The following SECTM1 variants were observed in gnomAD, a reference collection of about 807,000 sequenced individuals.
The protein encoded by SECTM1 is secreted and transmembrane protein 1.
Under a neutral mutation model 18.1 loss-of-function variants are expected in SECTM1, and 10 were observed. The observed-to-expected ratio is 0.55, with a 90% CI of 0.34 to 0.94. The LOEUF is 0.94. Among genes scored for constraint, SECTM1 ranks in the 40% least tolerant of loss-of-function variants. The pLI is 0.02. For synonymous variants in SECTM1, 137 were observed against 139.2 expected, an observed-to-expected ratio of 0.98 and a Z score of 0.11; for missense variants, 297 against 322.6, an observed-to-expected ratio of 0.92 and a Z score of 0.61.
chr17:82,323,778 G>A (rs1326128275), intron 3 of SECTM1, among the ~76,000 whole-genome samples: 1 of 151,730 alleles, frequency 6.6e-6, no homozygotes, highest in Non-Finnish European at 1.5e-5. Flanking sequence ...CAGTGGGCTG[G>A]GCTAGTGGGG....
chr17:82,327,664 A>G (rs1432038249), intron 1 of SECTM1, among the ~76,000 whole-genome samples: 1 of 151,980 alleles, frequency 6.6e-6, no homozygotes, highest in Non-Finnish European at 1.5e-5. Flanking sequence ...CTGACCTAAC[A>G]CTATACTAAG....
Position 82,330,821 on chromosome 17 carries a change from G to A in SECTM1, c.-53+2879C>T, listed in dbSNP as rs1032998330. On this transcript the variant is annotated intron_variant, in intron 1 of 4. Coordinates refer to ENST00000269389, the MANE Select transcript of SECTM1 (RefSeq NM_003004.3). This position sits in a 1 kb window ranked among gnomAD's most constrained non-coding sequence, Gnocchi z 6.1. ...CCTGGGCTGCAGTGGTTGGGGAGAG[G>A]GGGGTGGGAGTGAGAAGCTGGCACT... is the stretch of plus-strand genomic sequence containing the variant. 6.6e-6 allele frequency among the ~76,000 whole-genome samples: 1 copy of A among 152,050 alleles called. No homozygotes were observed. Among genetic ancestry groups the A allele is most frequent in the Non-Finnish European group, 1.5e-5 (1 of 68,010 alleles).
Position 82,322,050 on chromosome 17 carries a change from C to A in SECTM1, c.*111G>T. On this transcript the variant is annotated 3_prime_UTR_variant, in exon 5 of 5. Transcript: ENST00000269389. ...GTGGGTGACACAGAGGCCCAGCCTGCCAAGCAAGCCGGTGTCTGTGCCCTC... is the reference window on the plus strand; with the variant it reads ...GTGGGTGACACAGAGGCCCAGCCTGACAAGCAAGCCGGTGTCTGTGCCCTC... The A allele has an allele frequency of 9.5e-7, 1 of 1,053,060 alleles. No individual in the cohort carries two copies. The highest frequency in any genetic ancestry group is 1.4e-6 in the Non-Finnish European group (1 of 704,058). 65.2% of individuals were successfully genotyped at this position (1,053,060 alleles called of 1,614,324 possible).
Position 82,321,755 on chromosome 17 carries a change from A to G in SECTM1, c.*406T>C. ...TGGCCAAGGCCCCCCACAGCCCTGAACTGGAGTGTGTCTGAGGCTCCGGCA... is the reference window on the plus strand; with the variant it reads ...TGGCCAAGGCCCCCCACAGCCCTGAGCTGGAGTGTGTCTGAGGCTCCGGCA... On this transcript the variant is annotated 3_prime_UTR_variant, in exon 5 of 5. Coordinates refer to ENST00000269389, the MANE Select transcript of SECTM1 (RefSeq NM_003004.3). 4.8e-6 allele frequency: 1 copy of G among 209,826 alleles called. No homozygotes were observed. Among genetic ancestry groups the G allele is most frequent in the South Asian group, 5.6e-5 (1 of 17,740 alleles). The allele number at this position is 209,826 out of a possible 1,614,324, so 13.0% of individuals were successfully genotyped here. A position where few individuals can be genotyped will look rare whatever the true frequency, so the allele number is the denominator to read the frequency against.
intron 4 of SECTM1, among the ~76,000 whole-genome samples, 173 bp from the exon 5 acceptor site, chr17:82,322,543 C>A (rs1599652017): frequency 6.6e-6 from 1 of 152,302 alleles, no homozygotes; most frequent in South Asian, 2.1e-4. Context: ...GAACCCACTC[C>A]CCAAGGCACC....
chr17:82,332,884 C>T (rs1333708501), intron 1 of SECTM1, among the ~76,000 whole-genome samples: 2 of 152,226 alleles, frequency 1.3e-5, no homozygotes, highest in Non-Finnish European at 2.9e-5. Context: ...CCTACGCGGG[C>T]TCCTGCAGCC....
Position 82,326,067 on chromosome 17 carries a change from T to C in SECTM1, c.94+1080A>G, listed in dbSNP as rs1469879500. On this transcript the variant is annotated intron_variant, in intron 2 of 4. Coordinates refer to ENST00000269389, the MANE Select transcript of SECTM1 (RefSeq NM_003004.3). The surrounding 1 kb of genome is among the most constrained non-coding windows in gnomAD (Gnocchi z 4.3). ...GAGTGTTCAGGGACTGCAGGGCCTC[T>C]AAGGCCACTGCACAAATTCACACCG... Among the ~76,000 whole-genome samples the C allele has an allele frequency of 6.6e-6, 1 of 152,152 alleles. No homozygotes were observed. Among genetic ancestry groups the C allele is most frequent in the Admixed American group, 6.5e-5 (1 of 15,272 alleles).
rs965466760 is a variant in SECTM1, at chr17:82,325,616, T to G, written c.95-726A>C. On this transcript the variant is annotated intron_variant, in intron 2 of 4. Coordinates refer to ENST00000269389, the MANE Select transcript of SECTM1 (RefSeq NM_003004.3). This position sits in a 1 kb window ranked among gnomAD's most constrained non-coding sequence, Gnocchi z 7.6. ...GGCGTGTCAGTCTCTCTCTCCCGCC[T>G]CCTGGGTGAACCCTGCCCCATAGCG... is the stretch of plus-strand genomic sequence containing the variant. 6.6e-6 allele frequency among the ~76,000 whole-genome samples: 1 copy of G among 152,210 alleles called. No homozygotes were observed. The highest frequency in any genetic ancestry group is 2.4e-5 in the African/African-American group (1 of 41,462).
chr17:82,323,485 G>T (rs1437544859), intron 3 of SECTM1, among the ~76,000 whole-genome samples: 3 of 150,970 alleles, frequency 2.0e-5, no homozygotes, highest in Non-Finnish European at 3.0e-5. Flanking sequence ...TCGGAACCGG[G>T]TGTGGTGAAG....
chr17:82,325,351 A>G lies in SECTM1; in HGVS notation c.95-461T>C, dbSNP rs888225408. Among the ~76,000 whole-genome samples the G allele has an allele frequency of 6.6e-5, 10 of 152,310 alleles. No homozygotes were observed. Among genetic ancestry groups the G allele is most frequent in the Admixed American group, 6.5e-4 (10 of 15,312 alleles). The stretch of plus-strand genomic sequence containing the variant: ...GCTCCCTCCTGTTTCTCCAAGGCCT[A>G]GGCCAGGTGCAGGTGCTCGGCTGCG... On this transcript the variant is annotated intron_variant, in intron 2 of 4. Transcript: ENST00000269389. The surrounding 1 kb of genome is among the most constrained non-coding windows in gnomAD (Gnocchi z 7.6).
Position 82,326,964 on chromosome 17 carries a change from C to T in SECTM1, c.94+183G>A, listed in dbSNP as rs909370961. Among the ~76,000 whole-genome samples the T allele has an allele frequency of 6.6e-5, 10 of 151,940 alleles. 1 individual carries two copies. Among genetic ancestry groups the T allele is most frequent in the South Asian group, 2.1e-4 (1 of 4,822 alleles). On this transcript the variant is annotated intron_variant, in intron 2 of 4. Transcript: ENST00000269389. The surrounding 1 kb of genome is among the most constrained non-coding windows in gnomAD (Gnocchi z 4.3). ...ACCACCCTCCACCCACGGCGGGACA[C>T]GGTCCACTCACCGCCACCTGAGGCA...
rs1163233752 is a variant in SECTM1, at chr17:82,327,776, A to G, written c.-52-484T>C. 2.0e-5 allele frequency among the ~76,000 whole-genome samples: 3 copies of G among 152,178 alleles called. No homozygotes were observed. The East Asian group carries it at 5.8e-4, about 29-fold the overall frequency. ...ATATCACTGCACACCCAGGGCACAG[A>G]GCTTCGGCATTACAATTCTTGGAGC... On this transcript the variant is annotated intron_variant, in intron 1 of 4. Coordinates refer to ENST00000269389, the MANE Select transcript of SECTM1 (RefSeq NM_003004.3).
intron 3 of SECTM1, 99 bp from the exon 4 acceptor site, chr17:82,323,110 G>C (rs2052111901): frequency 2.2e-6 from 3 of 1,367,530 alleles, no homozygotes. Flanking sequence ...CACACTCCCT[G>C]GGGTGAGAAT....
At chr17:82,327,408 C>A (rs1366533606) in intron 1 of SECTM1, 116 bp from the exon 2 acceptor site, 9 of 624,876 alleles carry the variant, frequency 1.4e-5, no homozygotes, top group Admixed American at 6.1e-5. Flanking sequence ...TCTTCCCCGA[C>A]CTGCTCTGGA....
chr17:82,332,871 C>A (rs2052202971), intron 1 of SECTM1, among the ~76,000 whole-genome samples: 1 of 152,250 alleles, frequency 6.6e-6, no homozygotes, highest in Admixed American at 6.5e-5. Flanking sequence ...TGGAGACAGG[C>A]CTCCTACGCG....
At chr17:82,324,203 T>A (rs981456166) in intron 3 of SECTM1, among the ~76,000 whole-genome samples, 1 of 151,286 alleles carries the variant, frequency 6.6e-6, no homozygotes, top group African/African-American at 2.4e-5. Flanking sequence ...AGGCGGGGGG[T>A]GCCTGGGCTT....
Position 82,324,771 on chromosome 17 carries a change from C to T in SECTM1, c.214G>A (p.Gly72Arg), listed in dbSNP as rs199689650. 1.1e-5 allele frequency: 17 copies of T among 1,613,974 alleles called. No individual in the cohort carries two copies. The highest frequency in any genetic ancestry group is 1.2e-5 in the Non-Finnish European group (14 of 1,180,016). Residue 72 changes from glycine (G) to arginine (R), a missense_variant, in exon 3 of 5, where the codon GGG (glycine) becomes AGG (arginine). Gly to Arg is a moderately radical substitution (Grantham distance 125). Transcript: ENST00000269389. ...TCATTGAAGATGGCGCTCTCCTGCC[C>T]GTGGGCACGCAGCTTGATGTTGACA... ...SHVNIKLRAH[G>R]QESAIFNEVA... is the part of the protein sequence containing the mutation.
At chr17:82,323,793 G>A (rs2052119954) in intron 3 of SECTM1, among the ~76,000 whole-genome samples, 1 of 151,838 alleles carries the variant, frequency 6.6e-6, no homozygotes, top group African/African-American at 2.4e-5. Context: ...GTGGGGACAT[G>A]AGTGGGTGGT....
rs1464762057 is a variant in SECTM1 at position 82,330,367 on chromosome 17, G to A, written c.-52-3075C>T. Among the ~76,000 whole-genome samples the A allele has an allele frequency of 1.3e-5, 2 of 152,144 alleles. No individual in the cohort carries two copies. Among genetic ancestry groups the A allele is most frequent in the Non-Finnish European group, 2.9e-5 (2 of 67,996 alleles). ...CAGGGACTGCCCCTGCCATGTGTTAGGGGTGGGAATTCTGGGCACACAGCC... is the reference window on the plus strand; with the variant it reads ...CAGGGACTGCCCCTGCCATGTGTTAAGGGTGGGAATTCTGGGCACACAGCC... On this transcript the variant is annotated intron_variant, in intron 1 of 4. Transcript: ENST00000269389. This position sits in a 1 kb window ranked among gnomAD's most constrained non-coding sequence, Gnocchi z 6.1.
Sources: allele counts gnomAD v4.1 joint callset (sites outside exome capture counted in the v4.1 genomes callset), GRCh38; gene constraint gnomAD v4.1.1; non-coding constraint Gnocchi (gnomAD v3.1); transcripts MANE v1.5; gene names NCBI Gene and HGNC (gene_info 2026-07-23, HGNC 2026-07-21).